Variants in ABCA12 observed in about 807,000 individuals in gnomAD.
ABCA12 encodes the protein glucosylceramide transporter ABCA12.
A neutral mutation model predicts 293.5 loss-of-function variants in ABCA12; 156 were observed. That is an observed-to-expected ratio of 0.53 (90% CI 0.47 to 0.61). ABCA12 has a LOEUF of 0.61. Ranked by LOEUF, ABCA12 falls within the 20% of genes least tolerant of loss-of-function variation. ABCA12 has a pLI of 0.00. For missense variants in ABCA12, 2,797 were observed against 3,090.2 expected (o/e 0.91, Z 2.25); for synonymous variants, 1,063 against 1,108.0 (o/e 0.96, Z 0.81).
Position 215,000,779 on chromosome 2 carries a change from C to T in ABCA12, c.3105G>A (p.Leu1035=). Residue 1035 remains leucine, a synonymous_variant, in exon 22 of 53, where the codon TTG becomes TTA. Transcript: ENST00000272895. ...TTTCCTGGGAGTTCCTTCCAGTTTG[C>T]AATTCAATGATTGCTCTTTCAATAC... The part of the protein sequence containing the change: ...QDSIERAIIE[L]QTGRNSQEIA... The T allele has an allele frequency of 1.9e-6, 3 of 1,614,078 alleles. No individual in the cohort carries two copies. Among genetic ancestry groups the T allele is most frequent in the Non-Finnish European group, 2.5e-6 (3 of 1,179,968 alleles).
chr2:214,979,989 A>G (rs541861244), intron 31 of ABCA12, among the ~76,000 whole-genome samples: 2 of 152,190 alleles, frequency 1.3e-5, no homozygotes, highest in Non-Finnish European at 2.9e-5. Context: ...GACCTGTGCA[A>G]ATTACAGTCC....
chr2:215,083,834 G>A (rs1398207766), intron 2 of ABCA12, among the ~76,000 whole-genome samples: 1 of 152,092 alleles, frequency 6.6e-6, no homozygotes, highest in Non-Finnish European at 1.5e-5. Context: ...TAACTCATGT[G>A]CATATTTTCC....
intron 23 of ABCA12, among the ~76,000 whole-genome samples, chr2:214,992,848 CAA>C (rs1383964909): frequency 1.4e-4 from 22 of 151,916 alleles, no homozygotes; most frequent in Non-Finnish European, 7.4e-5. Context: ...GCCTGAGAGA[CAA>C]GAGTGAAATT....
chr2:215,112,809 T>A (rs1702605489), intron 1 of ABCA12, among the ~76,000 whole-genome samples: 1 of 152,102 alleles, frequency 6.6e-6, no homozygotes, highest in African/African-American at 2.4e-5. Flanking sequence ...GAAATTTTCA[T>A]TAGAGAATTT....
intron 39 of ABCA12, among the ~76,000 whole-genome samples, chr2:214,964,295 G>A (rs1574946898): frequency 6.6e-6 from 1 of 152,128 alleles, no homozygotes; most frequent in Non-Finnish European, 1.5e-5. Context: ...AAAGCTGGAA[G>A]CATTCCCCCT....
In ABCA12 at chr2:214,970,480, C is replaced by G. The variant is rs1699363507; in HGVS notation, c.5563-80G>C. 2.0e-6 allele frequency: 3 copies of G among 1,533,318 alleles called. No homozygotes were observed. In the South Asian group the frequency reaches 3.4e-5, roughly 17 times the overall value. The allele number at this position is 1,533,318 out of a possible 1,614,324, so 95.0% of individuals were successfully genotyped here. ...ATAGACAATGTCAAGGAGCTTCAGTCTCATGATTTGTCTATTACTGCAACT... is the reference window on the plus strand; with the variant it reads ...ATAGACAATGTCAAGGAGCTTCAGTGTCATGATTTGTCTATTACTGCAACT... On this transcript the variant is annotated intron_variant, in intron 36 of 52. Transcript: ENST00000272895.
At chr2:214,963,567 G>C (rs1052792971) in intron 39 of ABCA12, among the ~76,000 whole-genome samples, 4 of 141,630 alleles carry the variant, frequency 2.8e-5, no homozygotes, top group African/African-American at 1.1e-4. Context: ...AATTCTATGA[G>C]GCCAGCATCA....
rs759068959 is a variant in ABCA12 at position 214,978,854 on chromosome 2, C to A, written c.4927G>T (p.Gly1643Cys). 2 of 1,614,036 alleles carry A rather than the reference C, an allele frequency of 1.2e-6. No individual in the cohort carries two copies. The highest frequency in any genetic ancestry group is 2.2e-5 in the South Asian group (2 of 91,060). The change falls in exon 32 of 53, where the codon GGT becomes TGT. Residue 1643 changes from glycine to cysteine, a missense_variant. Around this residue, in one of 3 missense-constraint regions of ABCA12, gnomAD observed 2,130 missense variants for 2,427.0 expected, o/e 0.88. Coordinates refer to ENST00000272895, the MANE Select transcript of ABCA12 (RefSeq NM_173076.3). The part of the protein sequence containing the change: ...SLLRALDNGM[G>C]DLNIGCYGIS... ...CCGTAGCACCCGATGTTGAGGTCAC[C>A]CATGCCATTGTCGAGTGCCCGTAGG... is the stretch of plus-strand genomic sequence containing the variant.
intron 22 of ABCA12, among the ~76,000 whole-genome samples, chr2:214,998,212 A>AT: frequency 6.6e-6 from 1 of 152,360 alleles, no homozygotes; most frequent in South Asian, 2.1e-4. Context: ...ACTAAAAGCT[A>AT]TATCTTCCAA....
chr2:214,944,442 T>C (rs941750524), intron 49 of ABCA12, among the ~76,000 whole-genome samples: 1 of 143,650 alleles, frequency 7.0e-6, no homozygotes, highest in Admixed American at 7.0e-5. Context: ...AAAAAAAAAA[T>C]TTCAAATAGA....
chr2:214,988,230 A>G (rs1310822984), intron 26 of ABCA12, among the ~76,000 whole-genome samples: 2 of 152,226 alleles, frequency 1.3e-5, no homozygotes, highest in African/African-American at 4.8e-5. Context: ...TTAGAAAAAC[A>G]TAATTAAAAC....
intron 14 of ABCA12, 160 bp downstream of exon 14, chr2:215,017,848 C>T: frequency 5.3e-6 from 5 of 947,218 alleles, no homozygotes; most frequent in Non-Finnish European, 7.8e-6. Context: ...CAGAATTTTT[C>T]TTCTATCTTT....
chr2:215,064,822 C>A (rs1332008127), intron 2 of ABCA12, among the ~76,000 whole-genome samples: 1 of 151,166 alleles, frequency 6.6e-6, no homozygotes, highest in South Asian at 2.1e-4. Context: ...TTATTTTCTT[C>A]CTTTTGACTG....
intron 44 of ABCA12, among the ~76,000 whole-genome samples, chr2:214,952,265 G>T (rs1374238968): frequency 2.0e-5 from 3 of 150,516 alleles, no homozygotes; most frequent in African/African-American, 7.3e-5. Flanking sequence ...CTGTCACGCA[G>T]GCTGGAGTGC....
intron 45 of ABCA12, among the ~76,000 whole-genome samples, chr2:214,950,424 A>ATT (rs1698727826): frequency 7.0e-6 from 1 of 143,766 alleles, no homozygotes; most frequent in African/African-American, 2.6e-5. Flanking sequence ...GTGTGTGTAT[A>ATT]TATATGCATG....
chr2:214,962,242 G>A (rs1334605163), intron 39 of ABCA12: 2 of 152,174 alleles, frequency 1.3e-5, no homozygotes, highest in East Asian at 3.8e-4. Flanking sequence ...AAAGCCTCTT[G>A]TGAAACTCAA....
At chr2:215,125,737 C>T (rs1702907682) in intron 1 of ABCA12, among the ~76,000 whole-genome samples, 1 of 152,112 alleles carries the variant, frequency 6.6e-6, no homozygotes, top group Non-Finnish European at 1.5e-5. Flanking sequence ...ATATCATCAG[C>T]AAACAGTGAC....
chr2:215,134,402 A>G (rs28410508), intron 1 of ABCA12, among the ~76,000 whole-genome samples: 3 of 144,464 alleles, frequency 2.1e-5, no homozygotes, highest in Non-Finnish European at 4.5e-5. Context: ...GTATATGTGT[A>G]TATATGTATA....
At chr2:215,133,219 C>T (rs1260692274) in intron 1 of ABCA12, among the ~76,000 whole-genome samples, 1 of 113,160 alleles carries the variant, frequency 8.8e-6, no homozygotes, top group Non-Finnish European at 1.7e-5. Context: ...CTGGTGACTA[C>T]ATGAGTTGGT....
Sources: gnomAD v4.1 joint callset for allele counts (sites outside exome capture counted in the v4.1 genomes callset) on GRCh38, gnomAD v4.1.1 for gene constraint, gnomAD v4.1.1 regional missense constraint, MANE v1.5 for transcripts, NCBI Gene and HGNC (gene_info 2026-07-23, HGNC 2026-07-21) for gene names.